Variants in ACOXL observed in about 807,000 individuals in gnomAD.
ACOXL encodes acyl-coenzyme A oxidase-like protein.
ACOXL carries 70 observed loss-of-function variants against 71.9 expected under a neutral mutation model. That is an observed-to-expected ratio of 0.97 (90% CI 0.80 to 1.19). The LOEUF is 1.19. Among genes scored for constraint, ACOXL ranks in the 50% most tolerant of loss-of-function variants. ACOXL has a pLI of 0.00. For missense variants in ACOXL, 703 were observed against 736.3 expected, an observed-to-expected ratio of 0.95 and a Z score of 0.52; for synonymous variants, 253 against 281.6, an observed-to-expected ratio of 0.90 and a Z score of 1.02.
Position 110,865,708 on chromosome 2 carries a change from G to A in ACOXL, c.788+24303G>A, listed in dbSNP as rs556798399. On this transcript the variant is annotated intron_variant, in intron 10 of 17. Transcript: ENST00000439055. Reference sequence around the variant, plus strand: ...AGGCCAGCACTGCCATGGATTTAATGTGTGTGTTTCCAGACGATTTACATG... The same window carrying A: ...AGGCCAGCACTGCCATGGATTTAATATGTGTGTTTCCAGACGATTTACATG... Among the ~76,000 whole-genome samples, 12 of 152,324 alleles carry A rather than the reference G, an allele frequency of 7.9e-5. No individual in the cohort carries two copies. In the East Asian group the frequency reaches 2.1e-3, roughly 27 times the overall value.
chr2:111,022,984 A>G (rs1406414908), intron 14 of ACOXL, among the ~76,000 whole-genome samples: 2 of 152,022 alleles, frequency 1.3e-5, no homozygotes, highest in Non-Finnish European at 2.9e-5. Flanking sequence ...GAAAGTGGGG[A>G]AGCAATCATA....
intron 10 of ACOXL, among the ~76,000 whole-genome samples, chr2:110,866,460 G>A (rs551908231): frequency 8.4e-4 from 128 of 152,244 alleles, no homozygotes; most frequent in African/African-American, 3.0e-3. Flanking sequence ...AGCCAGAGCC[G>A]AATGCCCAGG....
At position 110,919,152 on chromosome 2, in the gene ACOXL, A is replaced by G. The variant is rs552351293; in HGVS notation, c.905+10247A>G. Among the ~76,000 whole-genome samples the G allele has an allele frequency of 9.2e-5, 14 of 152,338 alleles. No homozygotes were observed. The East Asian group carries it at 2.1e-3, about 23-fold the overall frequency. ...TTCACAATATCAAAGACTTGGAACC[A>G]ATCCAAATGCCCATCAATGATAGAC... On this transcript the variant is annotated intron_variant, in intron 11 of 17. Transcript: ENST00000439055.
intron 10 of ACOXL, among the ~76,000 whole-genome samples, chr2:110,862,986 C>T (rs1034867357): frequency 6.6e-6 from 1 of 152,172 alleles, no homozygotes; most frequent in Non-Finnish European, 1.5e-5. Flanking sequence ...ACCTTGCCTG[C>T]CTACTCATTT....
At chr2:110,988,036 G>A (rs1415631457) in intron 13 of ACOXL, among the ~76,000 whole-genome samples, 3 of 152,182 alleles carry the variant, frequency 2.0e-5, no homozygotes, top group Non-Finnish European at 2.9e-5. Flanking sequence ...CACTTCAGAC[G>A]CAACTGAAGC....
chr2:110,948,703 T>TAA (rs5833377), intron 12 of ACOXL, among the ~76,000 whole-genome samples: 16 of 70,812 alleles, frequency 2.3e-4, no homozygotes, highest in Admixed American at 5.0e-4. Context: ...CCAGAAGAAC[T>TAA]AAAAAAAAAA....
At chr2:110,850,701 T>C (rs1355600038) in intron 10 of ACOXL, among the ~76,000 whole-genome samples, 1 of 152,168 alleles carries the variant, frequency 6.6e-6, no homozygotes, top group African/African-American at 2.4e-5. Flanking sequence ...AAACTGCAAC[T>C]CTGATACATT....
intron 10 of ACOXL, among the ~76,000 whole-genome samples, chr2:110,846,790 G>C (rs1260125470): frequency 6.6e-6 from 1 of 151,876 alleles, no homozygotes; most frequent in African/African-American, 2.4e-5. Context: ...TGTGTGTTGG[G>C]GGGGGTGTAT....
chr2:110,913,752 G>A (rs377211403), intron 11 of ACOXL, among the ~76,000 whole-genome samples: 5 of 152,246 alleles, frequency 3.3e-5, no homozygotes, highest in South Asian at 4.2e-4. Flanking sequence ...GTAGGTCTCC[G>A]GGAGCTTTTA....
chr2:110,881,931 A>G (rs1462100292), intron 10 of ACOXL, among the ~76,000 whole-genome samples: 2 of 151,844 alleles, frequency 1.3e-5, no homozygotes, highest in Admixed American at 6.6e-5. Context: ...TAATGCTGCT[A>G]TGAACATTTG....
Position 111,071,072 on chromosome 2 carries a change from C to G in ACOXL, c.1440+21784C>G, listed in dbSNP as rs80061016. Reference sequence around the variant, plus strand: ...ACCCTCCTCTCCCCAGAGCACTTGGCTACCAGAAAGATCCAGCTGCCACTG... The same window carrying G: ...ACCCTCCTCTCCCCAGAGCACTTGGGTACCAGAAAGATCCAGCTGCCACTG... On this transcript the variant is annotated intron_variant, in intron 16 of 17. Transcript: ENST00000439055. 4.5e-3 allele frequency among the ~76,000 whole-genome samples: 680 copies of G among 152,268 alleles called. 11 individuals are homozygous for G. The East Asian group carries it at 0.047, about 11-fold the overall frequency.
intron 1 of ACOXL, among the ~76,000 whole-genome samples, chr2:110,764,940 C>A (rs1047007914): frequency 1.1e-4 from 16 of 152,166 alleles, no homozygotes; most frequent in Admixed American, 1.0e-3. Context: ...AAAGAACTAC[C>A]TTTAGCCATT....
At chr2:111,102,441 A>G (rs936832050) in intron 17 of ACOXL, among the ~76,000 whole-genome samples, 8 of 152,198 alleles carry the variant, frequency 5.3e-5, no homozygotes, top group Non-Finnish European at 4.4e-5. Flanking sequence ...AATAAGCACA[A>G]GAGAGGGCAA....
At position 110,732,640 on chromosome 2, in the gene ACOXL, AG is replaced by A. The variant is rs1018383604; in HGVS notation, c.-155del. The A allele has an allele frequency of 6.5e-6, 1 of 153,064 alleles. No individual in the cohort carries two copies. The highest frequency in any genetic ancestry group is 6.5e-5 in the Admixed American group (1 of 15,318). 9.5% of individuals were successfully genotyped at this position (153,064 alleles called of 1,614,324 possible). A position where few individuals can be genotyped will look rare whatever the true frequency, so the allele number is the denominator to read the frequency against. On this transcript the variant is annotated 5_prime_UTR_variant, in exon 1 of 18. Transcript: ENST00000439055. The stretch of plus-strand genomic sequence containing the variant: ...GCCAGCCACGCGGAGAAGCAGAGGC[AG>A]GTGAGCGCGATGCAGCCGGCGCCGG...
chr2:110,991,054 T>A (rs1287155361), intron 13 of ACOXL, among the ~76,000 whole-genome samples: 1 of 152,160 alleles, frequency 6.6e-6, no homozygotes, highest in African/African-American at 2.4e-5. Context: ...ATTCATCAAA[T>A]TTGAAAATAA....
At chr2:110,989,320 G>C (rs973375105) in intron 13 of ACOXL, among the ~76,000 whole-genome samples, 6 of 152,032 alleles carry the variant, frequency 3.9e-5, no homozygotes, top group Non-Finnish European at 5.9e-5. Context: ...TTGTCTTGGG[G>C]CTATTTTGTT....
At chr2:110,802,181 A>C (rs1367042291) in intron 8 of ACOXL, among the ~76,000 whole-genome samples, 1 of 152,204 alleles carries the variant, frequency 6.6e-6, no homozygotes, top group African/African-American at 2.4e-5. Context: ...TTATGTAATC[A>C]ATTTCTTATT....
chr2:110,992,970 A>G (rs1387496473), intron 13 of ACOXL, among the ~76,000 whole-genome samples: 1 of 152,224 alleles, frequency 6.6e-6, no homozygotes, highest in Non-Finnish European at 1.5e-5. Flanking sequence ...TGGAGATTCT[A>G]TCAACCTATT....
At chr2:110,966,343 C>A (rs879838689) in intron 12 of ACOXL, among the ~76,000 whole-genome samples, 2 of 152,200 alleles carry the variant, frequency 1.3e-5, no homozygotes, top group African/African-American at 4.8e-5. Flanking sequence ...CACCCTGGGG[C>A]CAGCAGGGGT....
Sources: gnomAD v4.1 joint callset for allele counts (sites outside exome capture counted in the v4.1 genomes callset) on GRCh38, gnomAD v4.1.1 for gene constraint, MANE v1.5 for transcripts, NCBI Gene and HGNC (gene_info 2026-07-23, HGNC 2026-07-21) for gene names.